Variants in KMT2A observed in about 807,000 individuals in gnomAD.
The protein encoded by KMT2A is lysine methyltransferase 2A, also known as histone-lysine N-methyltransferase 2A.
KMT2A carries 16 observed loss-of-function variants against 345.3 expected under a neutral mutation model. That is an observed-to-expected ratio of 0.05 (90% CI 0.03 to 0.07). KMT2A has a LOEUF of 0.07. Among genes scored for constraint, KMT2A ranks in the 10% least tolerant of loss-of-function variants. KMT2A has a pLI of 1.00. For missense variants in KMT2A, 3,272 were observed against 4,841.6 expected, an observed-to-expected ratio of 0.68 and a Z score of 9.62; for synonymous variants, 1,599 against 1,778.6, an observed-to-expected ratio of 0.90 and a Z score of 2.54.
intron 2 of KMT2A, 77 bp downstream of exon 2, chr11:118,468,921 A>G (rs1949895794): frequency 9.3e-7 from 1 of 1,072,260 alleles, no homozygotes; most frequent in South Asian, 1.3e-5. Flanking sequence ...CCTTCTTTAC[A>G]TGTAAAGGAT....
At position 118,501,822 on chromosome 11, in the gene KMT2A, A is replaced by G. The variant is rs2134381992; in HGVS notation, c.6470A>G (p.Gln2157Arg). Reference protein sequence around the residue: ...RIRTPSYSPTQRSPGCRPLPS... With the variant: ...RIRTPSYSPTRRSPGCRPLPS... ...CGAACACCCAGTTATTCTCCAACAC[A>G]GAGATCCCCTGGCTGTCGACCGTTG... Residue 2157 changes from glutamine to arginine, a missense_variant, in exon 26 of 36, where the codon CAG (glutamine) becomes CGG (arginine). This residue lies in a region of KMT2A where 66 missense variants were observed against 73.9 expected (regional missense o/e 0.89). Transcript: ENST00000534358. The G allele has an allele frequency of 1.2e-6, 2 of 1,613,806 alleles. No individual in the cohort carries two copies. Among genetic ancestry groups the G allele is most frequent in the Non-Finnish European group, 1.7e-6 (2 of 1,179,878 alleles).
intron 6 of KMT2A, among the ~76,000 whole-genome samples, chr11:118,480,497 G>A (rs1013273777): frequency 5.3e-5 from 8 of 152,016 alleles, no homozygotes; most frequent in Non-Finnish European, 8.8e-5. Context: ...GAGCAATAAA[G>A]TATACCTATT....
At chr11:118,480,395 T>G (rs1316210734) in intron 6 of KMT2A, among the ~76,000 whole-genome samples, 157 bp downstream of exon 6, 2 of 152,134 alleles carry the variant, frequency 1.3e-5, no homozygotes, top group Non-Finnish European at 2.9e-5. Context: ...GGGGGTTGAT[T>G]GGACTATTTC....
At position 118,489,684 on chromosome 11, in the gene KMT2A, T is replaced by G. The variant is rs1591394497; in HGVS notation, c.4480-108T>G. 6 of 814,740 alleles carry G rather than the reference T, an allele frequency of 7.4e-6. No homozygotes were observed. The East Asian group carries it at 1.5e-4, about 21-fold the overall frequency. 50.5% of individuals were successfully genotyped at this position (814,740 alleles called of 1,614,324 possible). A position where few individuals can be genotyped will look rare whatever the true frequency, so the allele number is the denominator to read the frequency against. On this transcript the variant is annotated intron_variant, in intron 11 of 35. Coordinates refer to ENST00000534358, the MANE Select transcript of KMT2A (RefSeq NM_001197104.2). ...TGTATGAGGAAATTTAAACTCATAATTGTGTGCTGTACTTACTTGCCAGTA... is the reference window on the plus strand; with the variant it reads ...TGTATGAGGAAATTTAAACTCATAAGTGTGTGCTGTACTTACTTGCCAGTA...
chr11:118,445,940 G>T (rs1555027043), intron 1 of KMT2A, among the ~76,000 whole-genome samples: 1 of 152,100 alleles, frequency 6.6e-6, no homozygotes, highest in Non-Finnish European at 1.5e-5. Context: ...GGAGGTGGAG[G>T]TTGCAGTAAG....
At position 118,520,577 on chromosome 11, in the gene KMT2A, G is replaced by C; in HGVS notation, c.11430-225G>C. On this transcript the variant is annotated intron_variant, in intron 33 of 35. Coordinates refer to ENST00000534358, the MANE Select transcript of KMT2A (RefSeq NM_001197104.2). The surrounding 1 kb of genome is among the most constrained non-coding windows in gnomAD (Gnocchi z 4.3). ...GAGGCAAGAGAATCGCTTGAACCCA[G>C]GAGGCGGAGGTTACAGTGAGCCGAG... The C allele has an allele frequency of 1.9e-6, 1 of 522,908 alleles. No homozygotes were observed. The highest frequency in any genetic ancestry group is 3.5e-6 in the Non-Finnish European group (1 of 288,930). The allele number at this position is 522,908 out of a possible 1,614,324, so 32.4% of individuals were successfully genotyped here. A position where few individuals can be genotyped will look rare whatever the true frequency, so the allele number is the denominator to read the frequency against.
Position 118,473,647 on chromosome 11 carries a change from A to G in KMT2A, c.2488A>G (p.Ser830Gly). The G allele has an allele frequency of 6.2e-7, 1 of 1,614,134 alleles. No individual in the cohort carries two copies. Among genetic ancestry groups the G allele is most frequent in the Non-Finnish European group, 8.5e-7 (1 of 1,180,038 alleles). ...TGCTCCGGCAGAGCCATTTTCATCA[A>G]GTAGTCCTACTCCTCTCTTCCCTTG... is the stretch of plus-strand genomic sequence containing the variant. ...TSAPAEPFSS[S>G]SPTPLFPWFT... The change falls in exon 3 of 36, where the codon AGT (serine) becomes GGT (glycine). Residue 830 changes from serine (S) to glycine (G), a missense_variant. Physicochemically the swap from Ser to Gly is moderately conservative, Grantham distance 56. Transcript: ENST00000534358. This position sits in a 1 kb window ranked among gnomAD's most constrained non-coding sequence, Gnocchi z 5.2.
In KMT2A at chr11:118,476,826, G is replaced by C; in HGVS notation, c.3178G>C (p.Glu1060Gln). 1 of 1,611,308 alleles carries C rather than the reference G, an allele frequency of 6.2e-7. No individual in the cohort carries two copies. The highest frequency in any genetic ancestry group is 8.5e-7 in the Non-Finnish European group (1 of 1,177,538). Residue 1060 changes from glutamate (E) to glutamine (Q), a missense_variant, in exon 4 of 36, where the codon GAG (glutamate) becomes CAG (glutamine). Physicochemically the swap from Glu to Gln is conservative, Grantham distance 29 (BLOSUM62 2). This residue lies in a region of KMT2A where 29 missense variants were observed against 27.1 expected (regional missense o/e 1.07). Coordinates refer to ENST00000534358, the MANE Select transcript of KMT2A (RefSeq NM_001197104.2). The surrounding 1 kb of genome is among the most constrained non-coding windows in gnomAD (Gnocchi z 4.1). ...TCAGGGTCAAGAAAGTGACTCATCAGAGACCTCTGTGCGAGGACCCCGGAT... is the reference window on the plus strand; with the variant it reads ...TCAGGGTCAAGAAAGTGACTCATCACAGACCTCTGTGCGAGGACCCCGGAT... The part of the protein sequence containing the change: ...KAQGQESDSS[E>Q]TSVRGPRIKH...
intron 3 of KMT2A, 104 bp downstream of exon 3, chr11:118,474,419 A>G: frequency 7.2e-7 from 1 of 1,387,466 alleles, no homozygotes; most frequent in Non-Finnish European, 9.6e-7. Context: ...ATGAGAACCA[A>G]GAAAAGTATG....
At chr11:118,478,904 G>T (rs1950084374) in intron 5 of KMT2A, among the ~76,000 whole-genome samples, 2 of 152,038 alleles carry the variant, frequency 1.3e-5, no homozygotes, top group South Asian at 4.1e-4. Context: ...TTACAAACAT[G>T]AGCCACAGTG....
chr11:118,462,012 C>T (rs918510498), intron 1 of KMT2A, among the ~76,000 whole-genome samples: 13 of 151,784 alleles, frequency 8.6e-5, no homozygotes, highest in African/African-American at 2.2e-4. Flanking sequence ...AGTGCAGTGG[C>T]GTGAGCTTTT....
chr11:118,478,335 A>G (rs1950073962), intron 5 of KMT2A, 134 bp downstream of exon 5: 1 of 675,452 alleles, frequency 1.5e-6, no homozygotes, highest in Middle Eastern at 2.6e-4. Context: ...TTACAGTTAG[A>G]TTTTGTGGTG....
At position 118,473,705 on chromosome 11, in the gene KMT2A, G is replaced by T; in HGVS notation, c.2546G>T (p.Arg849Ile). The change falls in exon 3 of 36, where the codon AGA becomes ATA. Residue 849 changes from arginine to isoleucine, a missense_variant. Arg to Ile is a moderately conservative substitution (Grantham distance 97, BLOSUM62 -3). This residue lies in a region of KMT2A where 209 missense variants were observed against 237.4 expected (regional missense o/e 0.88). Coordinates refer to ENST00000534358, the MANE Select transcript of KMT2A (RefSeq NM_001197104.2). The surrounding 1 kb of genome is among the most constrained non-coding windows in gnomAD (Gnocchi z 5.2). ...FTPGSQTERG[R>I]NKDKAPEELS... ...CCAGGCTCTCAGACTGAAAGAGGGA[G>T]AAATAAAGACAAGGCCCCCGAGGAG... is the stretch of plus-strand genomic sequence containing the variant. The T allele has an allele frequency of 3.1e-6, 5 of 1,614,176 alleles. No individual in the cohort carries two copies. Among genetic ancestry groups the T allele is most frequent in the Non-Finnish European group, 3.4e-6 (4 of 1,180,036 alleles).
chr11:118,484,969 T>C lies in KMT2A; in HGVS notation c.4326T>C (p.His1442=), dbSNP rs141961986. Residue 1442 remains histidine, a synonymous_variant, in exon 10 of 36, where the codon CAT becomes CAC. Coordinates refer to ENST00000534358, the MANE Select transcript of KMT2A (RefSeq NM_001197104.2). This position sits in a 1 kb window ranked among gnomAD's most constrained non-coding sequence, Gnocchi z 4.1. ...VVCFLCASSG[H]VEFVYCQVCC... ...GCTTTCTCTGTGCCAGTAGTGGGCA[T>C]GTAGAGGTAAGGCATCCTGCTTCTT... 276 of 1,595,134 alleles carry C rather than the reference T, an allele frequency of 1.7e-4. 1 individual carries two copies. In the African/African-American group the frequency reaches 3.3e-3, roughly 19 times the overall value.
rs781862311 is a variant in KMT2A, at chr11:118,502,970, G to C, written c.7078G>C (p.Val2360Leu). The change falls in exon 27 of 36, where the codon GTG becomes CTG. Residue 2360 changes from valine to leucine, a missense_variant. By Grantham distance (32) the Val-to-Leu change is conservative. Transcript: ENST00000534358. This position sits in a 1 kb window ranked among gnomAD's most constrained non-coding sequence, Gnocchi z 4.9. Reference sequence around the variant, plus strand: ...CGGCTCCTTTGCTGAACCCTCTTCAGTGTCGTTTTCTTCTAAAGAGGCCCT... The same window carrying C: ...CGGCTCCTTTGCTGAACCCTCTTCACTGTCGTTTTCTTCTAAAGAGGCCCT... ...KIGSFAEPSS[V>L]SFSSKEALSF... 2 of 1,614,132 alleles carry C rather than the reference G, an allele frequency of 1.2e-6. No individual in the cohort carries two copies. The highest frequency in any genetic ancestry group is 2.2e-5 in the South Asian group (2 of 91,086).
intron 1 of KMT2A, among the ~76,000 whole-genome samples, chr11:118,467,540 G>A (rs1262301190): frequency 6.6e-6 from 1 of 152,096 alleles, no homozygotes; most frequent in Non-Finnish European, 1.5e-5. Flanking sequence ...GCAAAGGCTG[G>A]GCCTTAAATG....
intron 3 of KMT2A, among the ~76,000 whole-genome samples, chr11:118,475,713 A>G (rs1950025644): frequency 6.6e-6 from 1 of 152,010 alleles, no homozygotes; most frequent in African/African-American, 2.4e-5. Context: ...ACAGGGCGAG[A>G]CTCCGTCTCT....
At chr11:118,456,126 G>T (rs368904319) in intron 1 of KMT2A, among the ~76,000 whole-genome samples, 1 of 152,050 alleles carries the variant, frequency 6.6e-6, no homozygotes, top group African/African-American at 2.4e-5. Flanking sequence ...GTGAGCCACT[G>T]CACCTGGCCT....
At chr11:118,514,274 C>T (rs1950757637) in intron 31 of KMT2A, among the ~76,000 whole-genome samples, 1 of 152,156 alleles carries the variant, frequency 6.6e-6, no homozygotes, top group Non-Finnish European at 1.5e-5. Context: ...AGTAGCGACC[C>T]AGCCCTGCTC....
Sources: gnomAD v4.1 joint callset for allele counts (sites outside exome capture counted in the v4.1 genomes callset) on GRCh38, gnomAD v4.1.1 for gene constraint, gnomAD v4.1.1 regional missense constraint, Gnocchi (gnomAD v3.1) non-coding constraint, MANE v1.5 for transcripts, NCBI Gene and HGNC (gene_info 2026-07-23, HGNC 2026-07-21) for gene names.